GPC6: variants seen among roughly 807,000 people sequenced by gnomAD.
GPC6 encodes glypican 6.
A neutral mutation model predicts 55.2 loss-of-function variants in GPC6; 14 were observed. The observed-to-expected ratio is 0.25, with a 90% CI of 0.17 to 0.40. The LOEUF is 0.40. Ranked by LOEUF, GPC6 falls within the 10% of genes least tolerant of loss-of-function variation. The pLI is 1.00. For missense variants in GPC6, 641 were observed against 708.5 expected, an observed-to-expected ratio of 0.90 and a Z score of 1.08; for synonymous variants, 278 against 259.6, an observed-to-expected ratio of 1.07 and a Z score of -0.68.
intron 1 of GPC6, among the ~76,000 whole-genome samples, chr13:93,522,585 T>C (rs1215595139): frequency 5.9e-5 from 9 of 151,852 alleles, no homozygotes; most frequent in Non-Finnish European, 1.2e-4. Flanking sequence ...TATATACTTA[T>C]GCTCCGGTCA....
At chr13:93,922,699 A>G (rs2140346727) in intron 3 of GPC6, among the ~76,000 whole-genome samples, 1 of 152,292 alleles carries the variant, frequency 6.6e-6, no homozygotes, top group East Asian at 1.9e-4. Flanking sequence ...AATGCATATA[A>G]TTTTTGTAAA....
intron 4 of GPC6, among the ~76,000 whole-genome samples, chr13:94,276,458 G>C (rs1239867676): frequency 7.0e-6 from 1 of 142,648 alleles, no homozygotes; most frequent in Non-Finnish European, 1.5e-5. Flanking sequence ...GCGTATGAAG[G>C]GCCTTTCTCA....
At chr13:93,611,432 A>G (rs752797035) in intron 2 of GPC6, among the ~76,000 whole-genome samples, 13 of 152,144 alleles carry the variant, frequency 8.5e-5, no homozygotes, top group Non-Finnish European at 1.8e-4. Flanking sequence ...ATGTATTTTC[A>G]TATTTTCCAT....
intron 3 of GPC6, among the ~76,000 whole-genome samples, chr13:93,979,765 A>C (rs1880705315): frequency 6.6e-6 from 1 of 152,124 alleles, no homozygotes; most frequent in African/African-American, 2.4e-5. Context: ...GCTGCCTCGT[A>C]TAGGACAGCT....
chr13:94,286,364 T>C lies in GPC6; in HGVS notation c.893T>C (p.Val298Ala), dbSNP rs1278071035. 1.2e-6 allele frequency: 2 copies of C among 1,613,756 alleles called. No individual in the cohort carries two copies. Among genetic ancestry groups the C allele is most frequent in the African/African-American group, 2.7e-5 (2 of 74,920 alleles). ...WNLFIDAMLLVAERLEGPFNI... is the reference protein window; with the variant it reads ...WNLFIDAMLLAAERLEGPFNI... ...ATTTTAACAGATGCAATGCTCTTGG[T>C]GGCAGAGCGACTGGAGGGGCCATTC... Residue 298 changes from valine to alanine, a missense_variant, in exon 5 of 9, where the codon GTG (valine) becomes GCG (alanine). Coordinates refer to ENST00000377047, the MANE Select transcript of GPC6 (RefSeq NM_005708.5).
chr13:93,661,999 G>C (rs140821699), intron 2 of GPC6, among the ~76,000 whole-genome samples: 204 of 152,274 alleles, frequency 1.3e-3, no homozygotes, highest in African/African-American at 4.8e-3. Context: ...CCTAAAAACT[G>C]TGTGGGATAC....
intron 4 of GPC6, among the ~76,000 whole-genome samples, chr13:94,155,498 G>A (rs947836356): frequency 4.6e-5 from 7 of 151,994 alleles, no homozygotes; most frequent in Non-Finnish European, 7.4e-5. Flanking sequence ...TCCTAAAATC[G>A]AAAAAAGCCT....
intron 2 of GPC6, among the ~76,000 whole-genome samples, chr13:93,817,438 C>T (rs1366408396): frequency 6.6e-6 from 1 of 151,982 alleles, no homozygotes; most frequent in Admixed American, 6.6e-5. Flanking sequence ...TTGACCTTAC[C>T]TTTGTAATTG....
At chr13:94,145,666 G>A (rs942571422) in intron 4 of GPC6, among the ~76,000 whole-genome samples, 3 of 152,160 alleles carry the variant, frequency 2.0e-5, no homozygotes, top group African/African-American at 7.2e-5. Context: ...AAACTGTTAT[G>A]ACGTGTTCCC....
intron 2 of GPC6, among the ~76,000 whole-genome samples, chr13:93,778,334 C>T (rs74110903): frequency 0.029 from 4,376 of 151,882 alleles, 196 homozygotes; most frequent in East Asian, 0.16. Context: ...GGTACCAAAA[C>T]GAAGAGAGTG....
intron 1 of GPC6, among the ~76,000 whole-genome samples, chr13:93,538,300 A>G (rs1395858625): frequency 6.6e-6 from 1 of 152,188 alleles, no homozygotes; most frequent in Non-Finnish European, 1.5e-5. Context: ...ATGGAGGTAT[A>G]TGTAAGAAGC....
intron 3 of GPC6, among the ~76,000 whole-genome samples, chr13:94,018,588 G>A (rs1454593456): frequency 6.6e-6 from 1 of 152,178 alleles, no homozygotes; most frequent in Non-Finnish European, 1.5e-5. Context: ...ACTGCACCGG[G>A]CTGTATAATC....
chr13:93,764,900 A>G (rs997106026), intron 2 of GPC6, among the ~76,000 whole-genome samples: 10 of 152,096 alleles, frequency 6.6e-5, no homozygotes, highest in Non-Finnish European at 1.5e-4. Context: ...CCTGGGTTCA[A>G]GTGATTCTGC....
chr13:93,903,000 A>C (rs976509325), intron 3 of GPC6, among the ~76,000 whole-genome samples: 3 of 152,218 alleles, frequency 2.0e-5, no homozygotes, highest in Non-Finnish European at 4.4e-5. Context: ...TATTCAATAA[A>C]TTGTGCTGCA....
intron 6 of GPC6, among the ~76,000 whole-genome samples, chr13:94,318,675 C>T (rs1416522696): frequency 6.6e-6 from 1 of 152,074 alleles, no homozygotes; most frequent in Non-Finnish European, 1.5e-5. Context: ...GCATTTGAAA[C>T]CACAGAAAGC....
At chr13:94,244,096 A>C (rs1420581424) in intron 4 of GPC6, among the ~76,000 whole-genome samples, 1 of 152,182 alleles carries the variant, frequency 6.6e-6, no homozygotes, top group Non-Finnish European at 1.5e-5. Flanking sequence ...GTAACTTTAC[A>C]TGTTACTATT....
At chr13:93,818,750 ACTCT>A (rs1886946674) in intron 2 of GPC6, 1 of 152,150 alleles carries the variant, frequency 6.6e-6, no homozygotes, top group South Asian at 2.1e-4. Flanking sequence ...CATCAATGAA[ACTCT>A]CTCTTCTCAA....
chr13:93,995,247 G>A (rs1373105259), intron 3 of GPC6, among the ~76,000 whole-genome samples: 4 of 151,552 alleles, frequency 2.6e-5, no homozygotes, highest in Non-Finnish European at 5.9e-5. Context: ...GAGTGCAGTG[G>A]CACAACCTCA....
intron 3 of GPC6, among the ~76,000 whole-genome samples, chr13:93,832,576 A>G (rs1254932499): frequency 6.6e-6 from 1 of 152,106 alleles, no homozygotes; most frequent in African/African-American, 2.4e-5. Context: ...CGGTGAGATA[A>G]CAGAATATTT....
Sources: allele counts gnomAD v4.1 joint callset (sites outside exome capture counted in the v4.1 genomes callset), GRCh38; gene constraint gnomAD v4.1.1; transcripts MANE v1.5; gene names NCBI Gene and HGNC (gene_info 2026-07-23, HGNC 2026-07-21).